TLN2: variants seen among roughly 807,000 people sequenced by gnomAD.
TLN2 encodes talin 2, also known as talin-2.
Under a neutral mutation model 294.7 loss-of-function variants are expected in TLN2, and 118 were observed. The ratio of observed to expected loss-of-function variants is 0.40; its 90% confidence interval spans 0.34 to 0.47. TLN2 has a LOEUF of 0.47. Ranked by LOEUF, TLN2 falls within the 20% of genes least tolerant of loss-of-function variation. TLN2 has a pLI of 0.84. For synonymous variants in TLN2, 1,431 were observed against 1,304.5 expected (o/e 1.10, Z -2.09); for missense variants, 3,083 against 3,282.2 (o/e 0.94, Z 1.48).
chr15:62,631,496 TTCC>T (rs1256877574), intron 3 of TLN2, among the ~76,000 whole-genome samples: 2 of 149,750 alleles, frequency 1.3e-5, no homozygotes, highest in Non-Finnish European at 3.0e-5. Context: ...TCTTTCTTTC[TTCC>T]TCTTTTCTTT....
At chr15:62,601,851 C>T (rs146171342) in intron 2 of TLN2, among the ~76,000 whole-genome samples, 6 of 152,212 alleles carry the variant, frequency 3.9e-5, no homozygotes, top group East Asian at 3.9e-4. Context: ...TTAATTGATG[C>T]GTTTCAATTT....
chr15:62,537,986 C>T (rs2041458596), intron 1 of TLN2, among the ~76,000 whole-genome samples: 1 of 152,146 alleles, frequency 6.6e-6, no homozygotes, highest in Non-Finnish European at 1.5e-5. Flanking sequence ...CTTTAGGAGG[C>T]TGAGGCGGGT....
At chr15:62,699,218 G>A (rs1347970548) in intron 16 of TLN2, among the ~76,000 whole-genome samples, 1 of 152,152 alleles carries the variant, frequency 6.6e-6, no homozygotes, top group African/African-American at 2.4e-5. Context: ...AAGATGCAAT[G>A]ATCTAATCAC....
intron 32 of TLN2, among the ~76,000 whole-genome samples, chr15:62,744,868 G>T (rs916325715): frequency 1.3e-5 from 2 of 152,136 alleles, no homozygotes; most frequent in African/African-American, 4.8e-5. Flanking sequence ...TAATCTCTGT[G>T]CCTTGACATA....
chr15:62,420,965 C>T (rs901192328), intron 1 of TLN2, among the ~76,000 whole-genome samples: 13 of 152,116 alleles, frequency 8.5e-5, no homozygotes, highest in African/African-American at 3.1e-4. Context: ...AGGACTAATA[C>T]CTTAGTTATA....
chr15:62,668,394 T>G (rs1299792594), intron 9 of TLN2, among the ~76,000 whole-genome samples: 1 of 152,020 alleles, frequency 6.6e-6, no homozygotes, highest in African/African-American at 2.4e-5. Flanking sequence ...GAAAATGAAG[T>G]TTTGGTGACA....
intron 3 of TLN2, among the ~76,000 whole-genome samples, chr15:62,640,841 G>A (rs770705476): frequency 4.6e-5 from 7 of 151,900 alleles, no homozygotes; most frequent in Middle Eastern, 3.4e-3. Context: ...TCACTCTGTC[G>A]CCCAGGCTGG....
At position 62,807,116 on chromosome 15, in the gene TLN2, T is replaced by C. The variant is rs529910048; in HGVS notation, c.6663+1331T>C. On this transcript the variant is annotated intron_variant, in intron 51 of 58. Coordinates refer to ENST00000636159, the MANE Select transcript of TLN2 (RefSeq NM_015059.3). ...CTTTCACACAGGACGCAGGGCTTGC[T>C]AGATGAGGGAGTTAGGACTCTCTCT... 2.0e-3 allele frequency among the ~76,000 whole-genome samples: 298 copies of C among 152,198 alleles called. 2 individuals are homozygous for C. Among genetic ancestry groups the C allele is most frequent in the Non-Finnish European group, 3.4e-3 (228 of 68,000 alleles).
chr15:62,556,759 G>A (rs2042628032), intron 1 of TLN2, among the ~76,000 whole-genome samples: 2 of 152,168 alleles, frequency 1.3e-5, no homozygotes, highest in South Asian at 4.1e-4. Flanking sequence ...GTTAGAGGGT[G>A]AAATAAAATA....
chr15:62,718,976 G>C (rs1284580417), intron 24 of TLN2, among the ~76,000 whole-genome samples: 2 of 152,184 alleles, frequency 1.3e-5, no homozygotes, highest in Non-Finnish European at 2.9e-5. Flanking sequence ...GGAAATATTT[G>C]TTTTAACTTG....
intron 2 of TLN2, among the ~76,000 whole-genome samples, chr15:62,594,297 T>G (rs1211062775): frequency 1.3e-5 from 2 of 152,186 alleles, no homozygotes; most frequent in African/African-American, 4.8e-5. Context: ...AGCCTTGACC[T>G]CCTAGGCACA....
At chr15:62,572,554 C>T (rs1200763316) in intron 1 of TLN2, among the ~76,000 whole-genome samples, 3 of 152,208 alleles carry the variant, frequency 2.0e-5, no homozygotes, top group Admixed American at 2.0e-4. Context: ...TAGATGGAGC[C>T]TACTCTCCAG....
chr15:62,416,026 C>T (rs1227072501), intron 1 of TLN2, among the ~76,000 whole-genome samples: 3 of 152,220 alleles, frequency 2.0e-5, no homozygotes, highest in African/African-American at 4.8e-5. Context: ...TGGTTGGGCA[C>T]AGTGGCTCAT....
In TLN2 at chr15:62,729,088, GA is replaced by G. The variant is rs557138777; in HGVS notation, c.3358+1903del. On this transcript the variant is annotated intron_variant, in intron 28 of 58. Coordinates refer to ENST00000636159, the MANE Select transcript of TLN2 (RefSeq NM_015059.3). The stretch of plus-strand genomic sequence containing the variant: ...TCCATTTGACCCAGCACCACTGATT[GA>G]AAAGGCTACTTTTTCCCAATGATCT... 1.2e-3 allele frequency among the ~76,000 whole-genome samples: 177 copies of G among 152,278 alleles called. 1 individual carries two copies. Among genetic ancestry groups the G allele is most frequent in the African/African-American group, 4.1e-3 (169 of 41,554 alleles).
At chr15:62,491,351 T>TATATAC in intron 1 of TLN2, among the ~76,000 whole-genome samples, 1 of 100,296 alleles carries the variant, frequency 1.0e-5, no homozygotes, top group East Asian at 4.0e-4. Flanking sequence ...TATATATATA[T>TATATAC]ACACACACAC....
chr15:62,613,993 T>A (rs2048117363), intron 2 of TLN2, among the ~76,000 whole-genome samples: 1 of 152,194 alleles, frequency 6.6e-6, no homozygotes, highest in Non-Finnish European at 1.5e-5. Context: ...GGACCTGATT[T>A]ACAAAGAGGC....
chr15:62,658,982 A>C (rs2140964109), intron 9 of TLN2, among the ~76,000 whole-genome samples: 1 of 152,254 alleles, frequency 6.6e-6, no homozygotes, highest in South Asian at 2.1e-4. Flanking sequence ...AAATGGAGGG[A>C]AGATTGATGA....
At chr15:62,814,499 AAAAG>A (rs2066937602) in intron 52 of TLN2, among the ~76,000 whole-genome samples, 1 of 152,208 alleles carries the variant, frequency 6.6e-6, no homozygotes, top group Non-Finnish European at 1.5e-5. Flanking sequence ...TCAAAAAAAA[AAAAG>A]AATTTTCCCC....
chr15:62,483,753 A>G (rs1436757035), intron 1 of TLN2, among the ~76,000 whole-genome samples: 5 of 152,178 alleles, frequency 3.3e-5, no homozygotes, highest in Non-Finnish European at 5.9e-5. Context: ...GACAGTAGCT[A>G]TCTCCCCCAG....
Sources: allele counts gnomAD v4.1 joint callset (sites outside exome capture counted in the v4.1 genomes callset), GRCh38; gene constraint gnomAD v4.1.1; transcripts MANE v1.5; gene names NCBI Gene and HGNC (gene_info 2026-07-23, HGNC 2026-07-21).